The following ZNF157 variants were observed in gnomAD, a reference collection of about 807,000 sequenced individuals.
ZNF157 encodes zinc finger protein 22.
Under a neutral mutation model 9.4 loss-of-function variants are expected in ZNF157, and 8 were observed. The ratio of observed to expected loss-of-function variants is 0.85; its 90% CI spans 0.50 to 1.53. The LOEUF (loss-of-function observed/expected upper bound fraction) is 1.53, where lower values mean the gene tolerates loss of function less well. ZNF157 is among the 40% of genes most tolerant of loss of function. The probability of loss-of-function intolerance (pLI) is 0.00; values close to 1 mark genes in which losing one functional copy is unlikely to be tolerated. For missense variants in ZNF157, 316 were observed against 385.2 expected (o/e 0.82, Z 1.50); for synonymous variants, 120 against 130.8 (o/e 0.92, Z 0.56).
intron 1 of ZNF157, among the ~76,000 whole-genome samples, chrX:47,371,945 G>A (rs1055033672): frequency 2.7e-5 from 3 of 111,866 alleles, no homozygotes; most frequent in African/African-American, 9.7e-5. Context: ...TCGCATGGAT[G>A]TACCAAACAG....
rs189873043 is a variant in ZNF157, at chrX:47,399,737, T to A, written c.73-10539T>A. Among the ~76,000 whole-genome samples the A allele has an allele frequency of 2.7e-5, 3 of 111,646 alleles. No individual in the cohort carries two copies. In the Admixed American group the frequency reaches 2.9e-4, roughly 11 times the overall value. On this transcript the variant is annotated intron_variant, in intron 1 of 3. Coordinates refer to ENST00000377073, the MANE Select transcript of ZNF157 (RefSeq NM_003446.4). ...GTCTGTTGCCCAGGCTGCAGTGCAG[T>A]GGTGTAACCTTGGCTCACTGCAACC...
chrX:47,396,119 A>T (rs1890904203), intron 1 of ZNF157, among the ~76,000 whole-genome samples: 1 of 110,627 alleles, frequency 9.0e-6, no homozygotes, highest in African/African-American at 3.3e-5. Flanking sequence ...AGGAAGAAAT[A>T]CTCATAAAAA....
rs1294139433 is a variant in ZNF157, at chrX:47,413,160, T to C, written c.1087T>C (p.Cys363Arg). ...TGEKPYQCNE[C>R]GKSFRVHSSL... ...TGAAAAGCCCTATCAGTGTAATGAATGTGGGAAATCTTTCAGGGTGCACTC... is the reference window on the plus strand; with the variant it reads ...TGAAAAGCCCTATCAGTGTAATGAACGTGGGAAATCTTTCAGGGTGCACTC... Residue 363 changes from cysteine to arginine, a missense_variant, in exon 4 of 4, where the codon TGT becomes CGT. Around this residue, in one of 3 missense-constraint regions of ZNF157, gnomAD observed 167 missense variants for 183.6 expected, o/e 0.91. Coordinates refer to ENST00000377073, the MANE Select transcript of ZNF157 (RefSeq NM_003446.4). 1 of 1,210,279 alleles carries C rather than the reference T, an allele frequency of 8.3e-7. No individual in the cohort carries two copies. Among genetic ancestry groups the C allele is most frequent in the Admixed American group, 2.2e-5 (1 of 45,786 alleles).
intron 1 of ZNF157, among the ~76,000 whole-genome samples, chrX:47,396,122 C>T (rs2055912514): frequency 9.0e-6 from 1 of 110,992 alleles, no homozygotes; most frequent in Admixed American, 9.8e-5. Context: ...AAGAAATACT[C>T]ATAAAAATTA....
chrX:47,381,053 A>T (rs1283775469), intron 1 of ZNF157, among the ~76,000 whole-genome samples: 2 of 103,698 alleles, frequency 1.9e-5, no homozygotes, highest in Admixed American at 1.0e-4. Context: ...AAAGAGAAGG[A>T]GGAAGAGCAG....
At chrX:47,375,972 A>C (rs2055843838) in intron 1 of ZNF157, among the ~76,000 whole-genome samples, 1 of 112,042 alleles carries the variant, frequency 8.9e-6, no homozygotes, top group Admixed American at 9.6e-5. Context: ...TGGGATTTAC[A>C]GATGTGAGCT....
At chrX:47,374,397 CT>C (rs749372735) in intron 1 of ZNF157, among the ~76,000 whole-genome samples, 3,362 of 85,371 alleles carry the variant, frequency 0.039, 134 homozygotes, top group African/African-American at 0.13. Context: ...AATAGACAAT[CT>C]TTTTTTTTTT....
chrX:47,406,275 G>A (rs951148883), intron 1 of ZNF157, among the ~76,000 whole-genome samples: 3 of 109,036 alleles, frequency 2.8e-5, no homozygotes, highest in Admixed American at 2.0e-4. Context: ...GTATTTATTC[G>A]CGTTACTGTT....
At chrX:47,380,566 T>A (rs1249456859) in intron 1 of ZNF157, among the ~76,000 whole-genome samples, 3 of 109,892 alleles carry the variant, frequency 2.7e-5, no homozygotes, top group Non-Finnish European at 5.7e-5. Context: ...AGGAAGGTTA[T>A]ATACCAGTTA....
At chrX:47,400,514 G>A (rs1425322592) in intron 1 of ZNF157, among the ~76,000 whole-genome samples, 1 of 111,844 alleles carries the variant, frequency 8.9e-6, no homozygotes. Context: ...ACAACTCTGA[G>A]GATGATATGC....
intron 1 of ZNF157, among the ~76,000 whole-genome samples, chrX:47,408,249 A>G (rs2055953192): frequency 9.0e-6 from 1 of 111,069 alleles, no homozygotes; most frequent in African/African-American, 3.3e-5. Flanking sequence ...AGCTGGGATT[A>G]CAGGTGTGCA....
At chrX:47,407,527 T>C (rs1299912676) in intron 1 of ZNF157, among the ~76,000 whole-genome samples, 1 of 112,011 alleles carries the variant, frequency 8.9e-6, no homozygotes. Context: ...TCCATTCAGT[T>C]GTCTGTTTCT....
intron 1 of ZNF157, among the ~76,000 whole-genome samples, chrX:47,394,110 C>T (rs762362304): frequency 3.2e-4 from 35 of 109,604 alleles, no homozygotes; most frequent in South Asian, 2.0e-3. Context: ...TACAGGCACC[C>T]GCCACCACGC....
At chrX:47,407,545 T>C (rs1395453361) in intron 1 of ZNF157, among the ~76,000 whole-genome samples, 1 of 112,185 alleles carries the variant, frequency 8.9e-6, no homozygotes, top group Non-Finnish European at 1.9e-5. Context: ...TCTCTTTGGG[T>C]AAGTTTTGGT....
chrX:47,388,778 G>GA, intron 1 of ZNF157: 1 of 148,027 alleles, frequency 6.8e-6, no homozygotes, highest in South Asian at 1.8e-4. Context: ...CCCCACATGT[G>GA]AAAAAAAGAA....
In ZNF157 at chrX:47,413,367, C is replaced by T; in HGVS notation, c.1294C>T (p.His432Tyr). 8.3e-7 allele frequency: 1 copy of T among 1,211,714 alleles called. No individual in the cohort carries two copies. The highest frequency in any genetic ancestry group is 1.1e-6 in the Non-Finnish European group (1 of 895,367). ...CAGTATGAAGAAATCCCTTTGTCAACACCGGAGAACTCACACAGGAGAGAA... is the reference window on the plus strand; with the variant it reads ...CAGTATGAAGAAATCCCTTTGTCAATACCGGAGAACTCACACAGGAGAGAA... ...IFSMKKSLCQHRRTHTGEKPY... is the reference protein window; with the variant it reads ...IFSMKKSLCQYRRTHTGEKPY... Residue 432 changes from histidine (H) to tyrosine (Y), a missense_variant, in exon 4 of 4, where the codon CAC (histidine) becomes TAC (tyrosine). Physicochemically the swap from His to Tyr is moderately conservative, Grantham distance 83. Transcript: ENST00000377073.
chrX:47,382,342 T>C (rs1414000900), intron 1 of ZNF157, among the ~76,000 whole-genome samples: 1 of 85,664 alleles, frequency 1.2e-5, no homozygotes, highest in East Asian at 3.7e-4. Context: ...CAGGCTGGAG[T>C]GCAGTGGCGT....
In ZNF157 at chrX:47,370,706, C is replaced by T; in HGVS notation, c.38C>T (p.Ala13Val). ...ANGTSPQRFP[A>V]LIPGEPGRSF... ...GGGACATCACCCCAGAGATTCCCTG[C>T]CCTGATTCCAGGAGAACCTGGCAGA... is the stretch of plus-strand genomic sequence containing the variant. The change falls in exon 1 of 4, where the codon GCC becomes GTC. Residue 13 changes from alanine (A) to valine (V), a missense_variant. Coordinates refer to ENST00000377073, the MANE Select transcript of ZNF157 (RefSeq NM_003446.4). 2 of 1,205,453 alleles carry T rather than the reference C, an allele frequency of 1.7e-6. No individual in the cohort carries two copies. The highest frequency in any genetic ancestry group is 3.6e-5 in the South Asian group (2 of 55,763).
At chrX:47,394,688 A>G (rs1336079549) in intron 1 of ZNF157, among the ~76,000 whole-genome samples, 1 of 112,029 alleles carries the variant, frequency 8.9e-6, no homozygotes, top group Non-Finnish European at 1.9e-5. Flanking sequence ...CAAAACTAGA[A>G]GCACCTTTAA....
Sources: allele counts gnomAD v4.1 joint callset (sites outside exome capture counted in the v4.1 genomes callset), GRCh38; gene constraint gnomAD v4.1.1; regional missense constraint gnomAD v4.1.1; transcripts MANE v1.5; gene names NCBI Gene and HGNC (gene_info 2026-07-23, HGNC 2026-07-21).